The following VWA3B variants were observed in gnomAD, a reference collection of about 807,000 sequenced individuals.
The protein encoded by VWA3B is von Willebrand factor A domain containing 3B.
In VWA3B, 138 loss-of-function variants were observed where a neutral mutation model predicts 158.3. The observed-to-expected ratio is 0.87, with a 90% CI of 0.76 to 1.00. The LOEUF (loss-of-function observed/expected upper bound fraction) is 1.00. Ranked by LOEUF, VWA3B falls within the 50% of genes least tolerant of loss-of-function variation. The pLI is 0.00. For synonymous variants in VWA3B, 596 were observed against 587.3 expected (o/e 1.01, Z -0.21); for missense variants, 1,555 against 1,565.1 (o/e 0.99, Z 0.11).
intron 17 of VWA3B, among the ~76,000 whole-genome samples, chr2:98,235,838 G>A (rs549976481): frequency 4.8e-4 from 73 of 152,236 alleles, no homozygotes; most frequent in African/African-American, 1.5e-3. Flanking sequence ...ACCCAAACAC[G>A]CCTCCTTCTG....
chr2:98,128,091 G>A (rs768612514), intron 5 of VWA3B, 148 bp from the exon 6 acceptor site: 1 of 899,564 alleles, frequency 1.1e-6, no homozygotes, highest in Non-Finnish European at 1.7e-6. Context: ...GACTGGCCCT[G>A]ATGTCCTCAG....
intron 2 of VWA3B, among the ~76,000 whole-genome samples, chr2:98,106,075 C>T (rs1030570872): frequency 1.3e-5 from 2 of 152,010 alleles, no homozygotes; most frequent in African/African-American, 4.8e-5. Flanking sequence ...ACCACCATGC[C>T]CGGCTAATTT....
intron 12 of VWA3B, among the ~76,000 whole-genome samples, chr2:98,200,577 T>C (rs554771763): frequency 1.3e-5 from 2 of 152,004 alleles, no homozygotes; most frequent in African/African-American, 2.4e-5. Context: ...ACTTTCTTCA[T>C]GTATTCTGCA....
At chr2:98,217,756 A>G in intron 13 of VWA3B, 90 bp from the exon 14 acceptor site, 1 of 1,185,720 alleles carries the variant, frequency 8.4e-7, no homozygotes, top group Non-Finnish European at 1.1e-6. Flanking sequence ...CTATTTGAGT[A>G]TCTGTAGTAA....
intron 20 of VWA3B, among the ~76,000 whole-genome samples, chr2:98,255,719 T>G (rs1687092547): frequency 6.6e-6 from 1 of 152,124 alleles, no homozygotes; most frequent in Non-Finnish European, 1.5e-5. Context: ...TTTATGACCC[T>G]GTTAAACTCT....
chr2:98,224,498 T>A (rs530082146), intron 14 of VWA3B, among the ~76,000 whole-genome samples: 20 of 152,254 alleles, frequency 1.3e-4, no homozygotes, highest in African/African-American at 4.6e-4. Context: ...AAGTCACATA[T>A]ATATGCTGTC....
At chr2:98,177,976 G>GA (rs1052516397) in intron 8 of VWA3B, among the ~76,000 whole-genome samples, 4 of 151,234 alleles carry the variant, frequency 2.6e-5, no homozygotes, top group African/African-American at 4.9e-5. Context: ...TATTGATCAG[G>GA]AAAAAAAAGG....
chr2:98,243,662 T>C (rs778481854), intron 19 of VWA3B, among the ~76,000 whole-genome samples: 3 of 152,180 alleles, frequency 2.0e-5, no homozygotes, highest in Non-Finnish European at 4.4e-5. Context: ...CATGGGTTTA[T>C]GAATGATCTT....
At chr2:98,096,866 C>G (rs1327189025) in intron 2 of VWA3B, among the ~76,000 whole-genome samples, 2 of 151,898 alleles carry the variant, frequency 1.3e-5, no homozygotes, top group African/African-American at 4.8e-5. Flanking sequence ...GAGACTATCT[C>G]TTTGTTTTAT....
chr2:98,100,266 G>A (rs1331606296), intron 2 of VWA3B, among the ~76,000 whole-genome samples: 5 of 152,190 alleles, frequency 3.3e-5, no homozygotes, highest in Non-Finnish European at 7.3e-5. Flanking sequence ...TTCTGGTGTG[G>A]TCCCTAAGCA....
At chr2:98,221,522 G>A (rs1684510918) in intron 14 of VWA3B, among the ~76,000 whole-genome samples, 1 of 152,122 alleles carries the variant, frequency 6.6e-6, no homozygotes, top group Non-Finnish European at 1.5e-5. Flanking sequence ...CCTGCCGAGT[G>A]GAATAGTAGA....
chr2:98,324,560 C>T, the VWA3B span, among the ~76,000 whole-genome samples: 6 of 152,310 alleles, frequency 3.9e-5, no homozygotes, highest in African/African-American at 1.4e-4. Flanking sequence ...CAAGAGGCAG[C>T]ATTTTCAGTA....
chr2:98,303,239 G>A (rs961783513), intron 25 of VWA3B, among the ~76,000 whole-genome samples: 2 of 151,898 alleles, frequency 1.3e-5, no homozygotes, highest in African/African-American at 2.4e-5. Context: ...GGGCCCTGGA[G>A]GCTAGAGTGG....
rs770367704 is a variant in VWA3B at position 98,228,226 on chromosome 2, A to C, written c.2044A>C (p.Lys682Gln). Residue 682 changes from lysine (K) to glutamine (Q), a missense_variant, in exon 15 of 28, where the codon AAG becomes CAG. Transcript: ENST00000477737. ...GAATGAAGATCTGACTCTTTTAGTTAAGGAAATGGAACAGGGTCACAGTGA... is the reference window on the plus strand; with the variant it reads ...GAATGAAGATCTGACTCTTTTAGTTCAGGAAATGGAACAGGGTCACAGTGA... Reference protein sequence around the residue: ...VQNEDLTLLVKEMEQGHSDLE... With the variant: ...VQNEDLTLLVQEMEQGHSDLE... The C allele has an allele frequency of 6.2e-7, 1 of 1,613,408 alleles. No individual in the cohort carries two copies. Among genetic ancestry groups the C allele is most frequent in the Non-Finnish European group, 8.5e-7 (1 of 1,179,740 alleles).
At chr2:98,238,166 G>T (rs1033730351) in intron 19 of VWA3B, among the ~76,000 whole-genome samples, 1 of 152,164 alleles carries the variant, frequency 6.6e-6, no homozygotes, top group Non-Finnish European at 1.5e-5. Flanking sequence ...ACCCATGGAG[G>T]CTCACCTGCC....
At chr2:98,162,228 C>G (rs1330160067) in intron 7 of VWA3B, among the ~76,000 whole-genome samples, 1 of 141,582 alleles carries the variant, frequency 7.1e-6, no homozygotes, top group Non-Finnish European at 1.5e-5. Context: ...GAAGGCAGAG[C>G]CTGTATCCCA....
intron 5 of VWA3B, 137 bp downstream of exon 5, chr2:98,121,595 A>G (rs1027798439): frequency 2.7e-5 from 32 of 1,182,220 alleles, no homozygotes; most frequent in Non-Finnish European, 3.5e-5. Context: ...CCCATTGGGC[A>G]CTGATGGTGA....
In VWA3B at chr2:98,176,137, C is replaced by T. The variant is rs536132422; in HGVS notation, c.1115-4879C>T. Among the ~76,000 whole-genome samples the T allele has an allele frequency of 2.0e-5, 3 of 152,278 alleles. No homozygotes were observed. The East Asian group carries it at 5.8e-4, about 29-fold the overall frequency. On this transcript the variant is annotated intron_variant, in intron 8 of 27. Coordinates refer to ENST00000477737, the MANE Select transcript of VWA3B (RefSeq NM_144992.5). ...GCTGAACCGGCTCACAGGGCTGAAA[C>T]CTCACTCATCTCACCAGCAGGCGAG... is the stretch of plus-strand genomic sequence containing the variant.
chr2:98,179,795 TTTC>T (rs1486486106), intron 8 of VWA3B, among the ~76,000 whole-genome samples: 2 of 58,412 alleles, frequency 3.4e-5, no homozygotes, highest in Admixed American at 1.7e-4. Flanking sequence ...CTTTTCTTTC[TTTC>T]TTTCTTTCTT....
Sources: allele counts gnomAD v4.1 joint callset (sites outside exome capture counted in the v4.1 genomes callset), GRCh38; gene constraint gnomAD v4.1.1; transcripts MANE v1.5; gene names NCBI Gene and HGNC (gene_info 2026-07-23, HGNC 2026-07-21).